PPP1R7: variants seen among roughly 807,000 people sequenced by gnomAD.
The protein encoded by PPP1R7 is protein phosphatase 1 regulatory subunit 22.
Under a neutral mutation model 45.2 loss-of-function variants are expected in PPP1R7, and 18 were observed. The ratio of observed to expected loss-of-function variants is 0.40; its 90% confidence interval spans 0.28 to 0.59. PPP1R7 has a LOEUF of 0.59. Among genes scored for constraint, PPP1R7 ranks in the 20% least tolerant of loss-of-function variants. The pLI is 0.46. For synonymous variants in PPP1R7, 181 were observed against 183.4 expected (o/e 0.99, Z 0.11); for missense variants, 314 against 455.8 (o/e 0.69, Z 2.83).
At chr2:241,150,140 T>C, upstream of PPP1R7, 1 of 1,269,902 alleles carries the variant, frequency 7.9e-7, no homozygotes, top group Non-Finnish European at 9.9e-7. Context: ...GTCGAGACAG[T>C]GACATAAGTC....
At chr2:241,164,217 C>T (rs1171301770) in intron 7 of PPP1R7, among the ~76,000 whole-genome samples, 1 of 152,092 alleles carries the variant, frequency 6.6e-6, no homozygotes, top group Non-Finnish European at 1.5e-5. Context: ...TGGCTTTTTC[C>T]ACCCACCCAC....
intron 1 of PPP1R7, among the ~76,000 whole-genome samples, chr2:241,153,223 A>T (rs1035543410): frequency 1.3e-5 from 2 of 152,198 alleles, no homozygotes; most frequent in Non-Finnish European, 2.9e-5. Flanking sequence ...ATTCTTCACA[A>T]GCTCCTTGAG....
chr2:241,161,806 AAGG>A (rs2067597375), intron 6 of PPP1R7, among the ~76,000 whole-genome samples: 1 of 152,160 alleles, frequency 6.6e-6, no homozygotes. Flanking sequence ...CGTGGGCAGG[AAGG>A]AGGACTTCTC....
intron 1 of PPP1R7, among the ~76,000 whole-genome samples, chr2:241,152,662 C>G (rs768680607): frequency 6.6e-5 from 10 of 152,166 alleles, no homozygotes; most frequent in Non-Finnish European, 1.5e-4. Flanking sequence ...AAACCATAGT[C>G]AGGAAAGAGT....
chr2:241,163,989 T>A (rs996604198), intron 7 of PPP1R7, among the ~76,000 whole-genome samples: 3 of 151,960 alleles, frequency 2.0e-5, no homozygotes, highest in Non-Finnish European at 2.9e-5. Context: ...CATTCATAGC[T>A]CACTATAGCC....
intron 9 of PPP1R7, among the ~76,000 whole-genome samples, chr2:241,174,571 G>A (rs1027271187): frequency 1.3e-5 from 2 of 151,998 alleles, no homozygotes; most frequent in African/African-American, 4.8e-5. Context: ...GCAGAAGGCC[G>A]GGATGATCAC....
intron 8 of PPP1R7, among the ~76,000 whole-genome samples, chr2:241,168,390 T>C (rs1226205116): frequency 6.6e-6 from 1 of 152,150 alleles, no homozygotes. Context: ...TTTCTGGGCT[T>C]GCATACCAGA....
chr2:241,181,614 G>A (rs2268899), intron 9 of PPP1R7, among the ~76,000 whole-genome samples: 3,850 of 152,170 alleles, frequency 0.025, 276 homozygotes, highest in East Asian at 0.21. Context: ...CCCCCCAGTC[G>A]GACCACAGCT....
At chr2:241,157,727 G>A (rs1005306806) in intron 2 of PPP1R7, 80 bp from the exon 3 acceptor site, 26 of 1,411,578 alleles carry the variant, frequency 1.8e-5, no homozygotes, top group Non-Finnish European at 2.6e-5. Flanking sequence ...AACAGCCCCA[G>A]ACCTCAGCCA....
intron 6 of PPP1R7, among the ~76,000 whole-genome samples, chr2:241,161,891 C>T (rs547974912): frequency 3.0e-4 from 46 of 152,350 alleles, no homozygotes; most frequent in East Asian, 2.3e-3. Flanking sequence ...TTTGCTCCCC[C>T]GGCCTGGCTT....
intron 9 of PPP1R7, among the ~76,000 whole-genome samples, chr2:241,180,830 G>T (rs893229984): frequency 1.3e-5 from 2 of 152,130 alleles, no homozygotes; most frequent in African/African-American, 4.8e-5. Context: ...CTCTTCAAGG[G>T]CTAAGCTCTA....
At chr2:241,174,897 C>T (rs555178060) in intron 9 of PPP1R7, among the ~76,000 whole-genome samples, 9 of 152,004 alleles carry the variant, frequency 5.9e-5, no homozygotes, top group Admixed American at 1.3e-4. Flanking sequence ...GGACAGTCTC[C>T]ATCTCCTGAC....
upstream of PPP1R7, chr2:241,150,308 T>G: frequency 7.5e-7 from 1 of 1,335,352 alleles, no homozygotes; most frequent in Non-Finnish European, 9.6e-7. Context: ...TTACCTGCTC[T>G]GGGGGAGGCG....
intron 8 of PPP1R7, among the ~76,000 whole-genome samples, chr2:241,169,451 G>A (rs961450215): frequency 3.3e-5 from 5 of 152,364 alleles, no homozygotes; most frequent in Non-Finnish European, 5.9e-5. Context: ...GGGTTACTCG[G>A]TTCTTCCTGG....
At chr2:241,158,009 A>G in intron 3 of PPP1R7, 147 bp downstream of exon 3, 1 of 787,348 alleles carries the variant, frequency 1.3e-6, no homozygotes. Flanking sequence ...TGTTTTTCTT[A>G]CCAGTGATTG....
intron 5 of PPP1R7, among the ~76,000 whole-genome samples, 187 bp from the exon 6 acceptor site, chr2:241,160,145 A>G (rs997594894): frequency 2.0e-5 from 3 of 152,104 alleles, no homozygotes; most frequent in African/African-American, 7.2e-5. Context: ...GCAGCCTCCA[A>G]ATCCCTCATG....
At chr2:241,166,983 CTT>C (rs916880234) in intron 8 of PPP1R7, 10 of 1,477,572 alleles carry the variant, frequency 6.8e-6, no homozygotes, top group Non-Finnish European at 9.4e-6. Flanking sequence ...TCCCTGCCTG[CTT>C]TCCACACCTG....
intron 5 of PPP1R7, 85 bp from the exon 6 acceptor site, chr2:241,160,237 CCTGATGGGGA>C: frequency 9.6e-7 from 1 of 1,039,370 alleles, no homozygotes; most frequent in South Asian, 1.7e-5. Flanking sequence ...ACTGCCGTCC[CCTGATGGGGA>C]CGCCACCTTT....
At chr2:241,182,106 C>T (rs761862976) in intron 9 of PPP1R7, among the ~76,000 whole-genome samples, 1 of 152,236 alleles carries the variant, frequency 6.6e-6, no homozygotes, top group Non-Finnish European at 1.5e-5. Flanking sequence ...ACTCAGACCT[C>T]TGAATCCCAC....
Sources: gnomAD v4.1 joint callset for allele counts (sites outside exome capture counted in the v4.1 genomes callset) on GRCh38, gnomAD v4.1.1 for gene constraint, MANE v1.5 for transcripts, NCBI Gene and HGNC (gene_info 2026-07-23, HGNC 2026-07-21) for gene names.